The following DNAJC13 variants were observed in gnomAD, a reference collection of about 807,000 sequenced individuals.
DNAJC13 encodes the protein DnaJ heat shock protein family (Hsp40) member C13.
In DNAJC13, 75 loss-of-function variants were observed where a neutral mutation model predicts 290.5. That is an observed-to-expected ratio of 0.26 (90% CI 0.21 to 0.31). The LOEUF (loss-of-function observed/expected upper bound fraction) is 0.31, where lower values mean the gene tolerates loss of function less well. DNAJC13 is among the 10% of genes least tolerant of loss of function. The probability of loss-of-function intolerance (pLI) is 1.00; values close to 1 mark genes in which losing one functional copy is unlikely to be tolerated. For missense variants in DNAJC13, 2,260 were observed against 2,674.5 expected (o/e 0.85, Z 3.42); for synonymous variants, 862 against 892.0 (o/e 0.97, Z 0.60).
At chr3:132,434,215 A>AC (rs1181366544) in intron 1 of DNAJC13, among the ~76,000 whole-genome samples, 6 of 150,406 alleles carry the variant, frequency 4.0e-5, no homozygotes, top group Admixed American at 1.3e-4. Flanking sequence ...ATCTCAAAAA[A>AC]AAAAAACAAA....
chr3:132,475,107 A>G (rs200590676), intron 22 of DNAJC13, 22 bp downstream of exon 22: 19 of 1,530,396 alleles, frequency 1.2e-5, no homozygotes, highest in Admixed American at 2.1e-5. Flanking sequence ...TTTTTCCAGT[A>G]TATTAATCTT....
chr3:132,456,624 G>A (rs1197113838), intron 11 of DNAJC13, 39 bp from the exon 12 acceptor site: 2 of 1,612,804 alleles, frequency 1.2e-6, no homozygotes, highest in Admixed American at 3.3e-5. Context: ...ACTAACTTTT[G>A]GTATGGAAAC....
chr3:132,417,922 T>C (rs907046342), intron 1 of DNAJC13, among the ~76,000 whole-genome samples, 162 bp downstream of exon 1: 1 of 152,180 alleles, frequency 6.6e-6, no homozygotes, highest in African/African-American at 2.4e-5. Flanking sequence ...GCTGCTGGTC[T>C]GGTTCCTTTC....
intron 1 of DNAJC13, among the ~76,000 whole-genome samples, chr3:132,432,473 A>G (rs1248832110): frequency 6.6e-6 from 1 of 152,132 alleles, no homozygotes; most frequent in Non-Finnish European, 1.5e-5. Context: ...CCAAAATGCT[A>G]GGATTACAGG....
chr3:132,438,354 A>G (rs528261727), intron 2 of DNAJC13, among the ~76,000 whole-genome samples: 2 of 152,320 alleles, frequency 1.3e-5, no homozygotes, highest in South Asian at 4.1e-4. Flanking sequence ...CCTATTTTAT[A>G]TGGCCAATTC....
chr3:132,419,242 A>G (rs1003007811), intron 1 of DNAJC13, among the ~76,000 whole-genome samples: 3 of 152,220 alleles, frequency 2.0e-5, no homozygotes, highest in African/African-American at 7.2e-5. Flanking sequence ...CCTTAAGGCT[A>G]GAGTTCAGTT....
intron 21 of DNAJC13, among the ~76,000 whole-genome samples, chr3:132,474,051 A>G (rs532533589): frequency 2.6e-4 from 40 of 152,274 alleles, no homozygotes; most frequent in African/African-American, 8.7e-4. Flanking sequence ...CTCCAAGCAT[A>G]TGAGGAAGAT....
intron 41 of DNAJC13, among the ~76,000 whole-genome samples, chr3:132,503,634 C>G (rs1935492444): frequency 6.6e-6 from 1 of 152,184 alleles, no homozygotes; most frequent in Admixed American, 6.5e-5. Flanking sequence ...AACCTTGAGT[C>G]ACAAAGGGAC....
At chr3:132,465,096 C>T (rs1336449781) in intron 17 of DNAJC13, among the ~76,000 whole-genome samples, 1 of 152,120 alleles carries the variant, frequency 6.6e-6, no homozygotes, top group Non-Finnish European at 1.5e-5. Flanking sequence ...AGTTTAATTA[C>T]TTCAATATGT....
intron 40 of DNAJC13, 141 bp from the exon 41 acceptor site, chr3:132,503,073 G>C (rs1935472242): frequency 2.5e-6 from 2 of 788,598 alleles, no homozygotes; most frequent in Admixed American, 3.0e-5. Context: ...GTTTACCTCA[G>C]TGGTAGGTAC....
Position 132,417,768 on chromosome 3 carries a change from C to T in DNAJC13, c.-14+8C>T, listed in dbSNP as rs1035255292. 1.3e-5 allele frequency: 2 copies of T among 152,638 alleles called. No individual in the cohort carries two copies. The highest frequency in any genetic ancestry group is 2.9e-5 in the Non-Finnish European group (2 of 68,260). The allele number at this position is 152,638 out of a possible 1,614,324, so 9.5% of individuals were successfully genotyped here. A position where few individuals can be genotyped will look rare whatever the true frequency, so the allele number is the denominator to read the frequency against. On this transcript the variant is annotated splice_region_variant and intron_variant, in intron 1 of 55. Transcript: ENST00000260818. ...CTCCAGCCTCCCGCGAAGGTAAAGC[C>T]GACTCCGGGCACTGGGCTCTGGGGC...
chr3:132,471,812 G>A (rs894128774), intron 20 of DNAJC13, among the ~76,000 whole-genome samples: 7 of 147,370 alleles, frequency 4.7e-5, no homozygotes, highest in Non-Finnish European at 7.6e-5. Context: ...TGGGCGGCCA[G>A]GCAGAGACGG....
chr3:132,452,605 C>T (rs769355573), intron 6 of DNAJC13, among the ~76,000 whole-genome samples: 17 of 151,772 alleles, frequency 1.1e-4, no homozygotes, highest in Non-Finnish European at 1.9e-4. Context: ...GTTCCAAAAT[C>T]GGAAACTTTT....
chr3:132,506,415 T>G (rs1935590411), intron 42 of DNAJC13, among the ~76,000 whole-genome samples: 1 of 151,850 alleles, frequency 6.6e-6, no homozygotes, highest in Non-Finnish European at 1.5e-5. Context: ...ATTTTATAAT[T>G]TATTCTATAC....
At position 132,499,228 on chromosome 3, in the gene DNAJC13, C is replaced by T. The variant is rs1299031945; in HGVS notation, c.4259C>T (p.Pro1420Leu). 8 of 1,614,002 alleles carry T rather than the reference C, an allele frequency of 5.0e-6. No individual in the cohort carries two copies. In the South Asian group the frequency reaches 8.8e-5, roughly 18 times the overall value. ...LLFSKESPLL[P>L]AATELAFHTV... ...TTCTCAAAAGAATCACCATTGTTGC[C>T]TGCGGCTACAGAGCTAGCTTTCCAT... The change falls in exon 37 of 56, where the codon CCT (proline) becomes CTT (leucine). Residue 1420 changes from proline to leucine, a missense_variant. Around this residue, in one of 3 missense-constraint regions of DNAJC13, gnomAD observed 1,494 missense variants for 1,693.7 expected, o/e 0.88. Transcript: ENST00000260818.
chr3:132,484,926 A>G (rs1934805088), intron 29 of DNAJC13, among the ~76,000 whole-genome samples: 1 of 151,770 alleles, frequency 6.6e-6, no homozygotes, highest in Non-Finnish European at 1.5e-5. Context: ...TAAATAAATA[A>G]AGTAAATGGC....
intron 6 of DNAJC13, among the ~76,000 whole-genome samples, chr3:132,452,956 G>A (rs1014010093): frequency 6.6e-6 from 1 of 152,164 alleles, no homozygotes; most frequent in African/African-American, 2.4e-5. Flanking sequence ...TGGGAATCCT[G>A]CCCACACAGT....
At chr3:132,481,046 A>G (rs1423195019) in intron 26 of DNAJC13, among the ~76,000 whole-genome samples, 1 of 152,190 alleles carries the variant, frequency 6.6e-6, no homozygotes, top group African/African-American at 2.4e-5. Context: ...ACAATACATT[A>G]ACTTTTTGAA....
rs759120946 is a variant in DNAJC13, at chr3:132,516,461, C to T, written c.5525C>T (p.Ser1842Leu). The T allele has an allele frequency of 3.7e-6, 6 of 1,613,676 alleles. No homozygotes were observed. The highest frequency in any genetic ancestry group is 3.3e-5 in the Admixed American group (2 of 59,982). Residue 1842 changes from serine to leucine, a missense_variant, in exon 47 of 56, where the codon TCG becomes TTG. Ser to Leu is a moderately radical substitution (Grantham distance 145, BLOSUM62 -2). This residue lies in a region of DNAJC13 where 1,494 missense variants were observed against 1,693.7 expected (regional missense o/e 0.88). Transcript: ENST00000260818. ...LVLETLYALT[S>L]STKIIKEAMA... is the part of the protein sequence containing the mutation. The stretch of plus-strand genomic sequence containing the variant: ...CTGGAAACTCTTTATGCTTTGACAT[C>T]GAGTACAAAAATAATCAAAGAAGCA...
Sources: allele counts gnomAD v4.1 joint callset (sites outside exome capture counted in the v4.1 genomes callset), GRCh38; gene constraint gnomAD v4.1.1; regional missense constraint gnomAD v4.1.1; transcripts MANE v1.5; gene names NCBI Gene and HGNC (gene_info 2026-07-23, HGNC 2026-07-21).